Variants in ZFAND3 observed in about 807,000 individuals in gnomAD.
The protein encoded by ZFAND3 is zinc finger AN1-type containing 3, also known as AN1-type zinc finger protein 3.
ZFAND3 carries 10 observed loss-of-function variants against 29.6 expected under a neutral mutation model. That is an observed-to-expected ratio of 0.34 (90% CI 0.21 to 0.57). The LOEUF (loss-of-function observed/expected upper bound fraction) is 0.57, where lower values mean the gene tolerates loss of function less well. Ranked by LOEUF, ZFAND3 falls within the 20% of genes least tolerant of loss-of-function variation. ZFAND3 has a pLI of 0.86. For synonymous variants in ZFAND3, 128 were observed against 112.6 expected (o/e 1.14, Z -0.87); for missense variants, 230 against 304.5 (o/e 0.76, Z 1.82).
At chr6:37,954,064 ATTGT>A (rs1391056507) in intron 2 of ZFAND3, among the ~76,000 whole-genome samples, 2 of 151,932 alleles carry the variant, frequency 1.3e-5, no homozygotes, top group African/African-American at 4.8e-5. Context: ...TGTCACTTGA[ATTGT>A]TTGTGATGAG....
chr6:37,990,180 C>T (rs1416033048), intron 2 of ZFAND3, among the ~76,000 whole-genome samples: 5 of 152,092 alleles, frequency 3.3e-5, no homozygotes, highest in Non-Finnish European at 5.9e-5. Flanking sequence ...GGAGAATTTT[C>T]GTTTTTAGTA....
intron 2 of ZFAND3, among the ~76,000 whole-genome samples, chr6:37,956,920 T>A (rs1408054472): frequency 1.3e-5 from 2 of 152,204 alleles, no homozygotes; most frequent in African/African-American, 4.8e-5. Context: ...GCAAAGCCTT[T>A]TGGGAGTGGA....
intron 4 of ZFAND3, among the ~76,000 whole-genome samples, chr6:38,112,363 G>A (rs1055592550): frequency 1.3e-5 from 2 of 152,228 alleles, no homozygotes; most frequent in African/African-American, 4.8e-5. Context: ...TCCTGGGGTG[G>A]GAATGGTTTC....
chr6:38,083,260 A>G (rs1168277110), intron 4 of ZFAND3, among the ~76,000 whole-genome samples: 2 of 152,170 alleles, frequency 1.3e-5, no homozygotes, highest in Non-Finnish European at 2.9e-5. Flanking sequence ...TTAAATGCTC[A>G]TAATTTGATG....
intron 2 of ZFAND3, among the ~76,000 whole-genome samples, chr6:37,949,165 G>C (rs1336616245): frequency 6.6e-6 from 1 of 152,128 alleles, no homozygotes; most frequent in Non-Finnish European, 1.5e-5. Context: ...ACTGGTGTGA[G>C]ATGATATCTC....
At chr6:37,977,042 G>C (rs914453170) in intron 2 of ZFAND3, among the ~76,000 whole-genome samples, 1 of 152,190 alleles carries the variant, frequency 6.6e-6, no homozygotes, top group Non-Finnish European at 1.5e-5. Flanking sequence ...GATGCATTCA[G>C]AGAAATGCAT....
At chr6:37,992,106 T>C (rs750693393) in intron 2 of ZFAND3, among the ~76,000 whole-genome samples, 2 of 152,356 alleles carry the variant, frequency 1.3e-5, no homozygotes, top group East Asian at 3.9e-4. Context: ...TTGCAACTTA[T>C]GTAACAAGTT....
intron 1 of ZFAND3, among the ~76,000 whole-genome samples, chr6:37,835,503 C>T (rs532693959): frequency 6.7e-6 from 1 of 148,758 alleles, no homozygotes; most frequent in African/African-American, 2.5e-5. Flanking sequence ...CTGGATGAGT[C>T]CTTTTTTAGA....
chr6:38,029,883 T>C (rs1269212373), intron 2 of ZFAND3, among the ~76,000 whole-genome samples: 1 of 152,062 alleles, frequency 6.6e-6, no homozygotes, highest in Admixed American at 6.6e-5. Flanking sequence ...AAGCTTTTAC[T>C]GATTAGAGCA....
At chr6:37,853,470 C>T (rs1355966138) in intron 1 of ZFAND3, among the ~76,000 whole-genome samples, 1 of 149,798 alleles carries the variant, frequency 6.7e-6, no homozygotes, top group Admixed American at 6.6e-5. Context: ...GGTGGCATGA[C>T]CCTGGATTTC....
chr6:38,142,168 C>G (rs1030059660), intron 5 of ZFAND3: 4 of 470,872 alleles, frequency 8.5e-6, no homozygotes, highest in Non-Finnish European at 1.8e-5. Context: ...CTCCCTACCC[C>G]AGTTTCTCAT....
intron 1 of ZFAND3, among the ~76,000 whole-genome samples, chr6:37,897,276 T>A (rs552278359): frequency 3.3e-4 from 50 of 152,232 alleles, no homozygotes; most frequent in South Asian, 2.1e-4. Flanking sequence ...TTAAACATCA[T>A]GTAACTAGAA....
chr6:38,062,992 G>A lies in ZFAND3; in HGVS notation c.295+1217G>A, dbSNP rs916820856. Among the ~76,000 whole-genome samples, 36 of 152,054 alleles carry A rather than the reference G, an allele frequency of 2.4e-4. 1 individual carries two copies. The highest frequency in any genetic ancestry group is 1.6e-3 in the Admixed American group (24 of 15,272). On this transcript the variant is annotated intron_variant, in intron 3 of 5. Coordinates refer to ENST00000287218, the MANE Select transcript of ZFAND3 (RefSeq NM_021943.3). ...TGGTCCCAGCTACTTGGGAAGCTGA[G>A]GCAGGAGGATCTCTTGAGCCCAGGA...
intron 1 of ZFAND3, among the ~76,000 whole-genome samples, chr6:37,858,602 A>G (rs1764425660): frequency 6.6e-6 from 1 of 152,218 alleles, no homozygotes; most frequent in South Asian, 2.1e-4. Context: ...ATATGACTGA[A>G]AAATGGAGCA....
chr6:37,851,490 A>C (rs939753541), intron 1 of ZFAND3, among the ~76,000 whole-genome samples: 25 of 143,756 alleles, frequency 1.7e-4, no homozygotes, highest in Non-Finnish European at 1.1e-4. Flanking sequence ...TCTGCCTCCA[A>C]ACTATCTTGT....
chr6:37,971,129 A>G (rs1300586386), intron 2 of ZFAND3, among the ~76,000 whole-genome samples: 2 of 152,110 alleles, frequency 1.3e-5, no homozygotes, highest in Non-Finnish European at 2.9e-5. Flanking sequence ...TTTGATTGTA[A>G]TTTTTTAGTC....
intron 1 of ZFAND3, among the ~76,000 whole-genome samples, chr6:37,830,981 A>G (rs1294684707): frequency 6.6e-6 from 1 of 151,738 alleles, no homozygotes; most frequent in Non-Finnish European, 1.5e-5. Flanking sequence ...GTCTATCCCA[A>G]ACTCCTCCAA....
intron 2 of ZFAND3, among the ~76,000 whole-genome samples, chr6:37,971,716 C>CA (rs1037113091): frequency 4.0e-5 from 6 of 151,454 alleles, no homozygotes; most frequent in African/African-American, 7.3e-5. Flanking sequence ...CAGCTGGGTG[C>CA]AGTGGCTTAT....
At chr6:37,909,319 G>A (rs1377779152) in intron 1 of ZFAND3, among the ~76,000 whole-genome samples, 1 of 144,586 alleles carries the variant, frequency 6.9e-6, no homozygotes, top group Non-Finnish European at 1.5e-5. Flanking sequence ...TTGCTCTGTC[G>A]CACAGGCTGG....
Sources: allele counts gnomAD v4.1 joint callset (sites outside exome capture counted in the v4.1 genomes callset), GRCh38; gene constraint gnomAD v4.1.1; transcripts MANE v1.5; gene names NCBI Gene and HGNC (gene_info 2026-07-23, HGNC 2026-07-21).